Variants in JAK2 observed in about 807,000 individuals in gnomAD.
JAK2 encodes the protein Janus kinase 2, also known as tyrosine-protein kinase JAK2.
JAK2 carries 86 observed loss-of-function variants against 139.3 expected under a neutral mutation model. That is an observed-to-expected ratio of 0.62 (90% CI 0.52 to 0.74). The LOEUF is 0.74. JAK2 is among the 30% of genes least tolerant of loss of function. JAK2 has a pLI of 0.00. For synonymous variants in JAK2, 490 were observed against 437.7 expected, an observed-to-expected ratio of 1.12 and a Z score of -1.49; for missense variants, 1,421 against 1,360.3, an observed-to-expected ratio of 1.04 and a Z score of -0.70.
intron 2 of JAK2, among the ~76,000 whole-genome samples, chr9:5,008,844 C>T (rs1821493464): frequency 6.6e-6 from 1 of 152,132 alleles, no homozygotes; most frequent in Non-Finnish European, 1.5e-5. Context: ...TAGAGCTTCT[C>T]TTTAGAATTG....
intron 23 of JAK2, chr9:5,126,089 G>A (rs185273353): frequency 3.1e-6 from 1 of 327,768 alleles, no homozygotes; most frequent in African/African-American, 2.1e-5. Flanking sequence ...TTTAGTTCAT[G>A]TGTTTTGAGC....
At chr9:5,076,613 G>C (rs12349785) in intron 14 of JAK2, among the ~76,000 whole-genome samples, 35,767 of 152,020 alleles carry the variant, frequency 0.24, 4,587 homozygotes, top group South Asian at 0.3. Flanking sequence ...GGGATACCAA[G>C]AAATTCATGA....
At chr9:4,997,143 T>G (rs1820620428) in intron 2 of JAK2, among the ~76,000 whole-genome samples, 1 of 151,798 alleles carries the variant, frequency 6.6e-6, no homozygotes, top group Non-Finnish European at 1.5e-5. Context: ...TGTCACTCAG[T>G]CTGGTCTTGA....
chr9:5,080,892 C>CTTTTTTTTTTT (rs33925764), intron 18 of JAK2, among the ~76,000 whole-genome samples: 1 of 95,616 alleles, frequency 1.0e-5, no homozygotes, highest in Non-Finnish European at 1.9e-5. Flanking sequence ...AAGACCTTTT[C>CTTTTTTTTTTT]TTTTTTTTTT....
chr9:5,068,967 A>T, intron 10 of JAK2, 55 bp from the exon 11 acceptor site: 1 of 971,532 alleles, frequency 1.0e-6, no homozygotes, highest in Non-Finnish European at 1.5e-6. Flanking sequence ...CAGAATAATC[A>T]CTGTGATGTC....
At chr9:5,078,889 G>A (rs1819487941) in intron 16 of JAK2, among the ~76,000 whole-genome samples, 1 of 152,032 alleles carries the variant, frequency 6.6e-6, no homozygotes, top group South Asian at 2.1e-4. Flanking sequence ...AAAAAACTTT[G>A]ATTTGTGTTT....
intron 14 of JAK2, among the ~76,000 whole-genome samples, chr9:5,075,670 A>C (rs1819262098): frequency 1.3e-5 from 2 of 152,192 alleles, no homozygotes; most frequent in Non-Finnish European, 1.5e-5. Flanking sequence ...GTCACCCAAG[A>C]GCTCTGATGG....
chr9:5,120,933 A>C (rs1031447768), intron 22 of JAK2, among the ~76,000 whole-genome samples: 3 of 152,204 alleles, frequency 2.0e-5, no homozygotes, highest in Non-Finnish European at 4.4e-5. Context: ...TAGATCTTTA[A>C]TGTGGAAATG....
At chr9:4,995,484 C>T (rs1381184839) in intron 2 of JAK2, among the ~76,000 whole-genome samples, 2 of 152,174 alleles carry the variant, frequency 1.3e-5, no homozygotes, top group Admixed American at 6.5e-5. Context: ...AGATGGTTGT[C>T]CAGTTTCAAT....
intron 22 of JAK2, among the ~76,000 whole-genome samples, chr9:5,105,368 G>A (rs1238821523): frequency 6.6e-6 from 1 of 152,032 alleles, no homozygotes; most frequent in African/African-American, 2.4e-5. Flanking sequence ...AGGACCTCTG[G>A]ACCTCTTCAA....
rs587778411 is a variant in JAK2 at position 5,054,669 on chromosome 9, A to C, written c.721A>C (p.Ser241Arg). The C allele has an allele frequency of 6.2e-7, 1 of 1,613,266 alleles. No individual in the cohort carries two copies. The highest frequency in any genetic ancestry group is 1.3e-5 in the African/African-American group (1 of 74,912). Reference sequence around the variant, plus strand: ...ATTTCGCAGATTTATTCAGCAATTCAGCCAATGCAAAGCCACTGCCAGAAA... The same window carrying C: ...ATTTCGCAGATTTATTCAGCAATTCCGCCAATGCAAAGCCACTGCCAGAAA... ...YRFRRFIQQF[S>R]QCKATARNLK... is the part of the protein sequence containing the mutation. Residue 241 changes from serine (S) to arginine (R), a missense_variant, in exon 7 of 25, where the codon AGC (serine) becomes CGC (arginine). Coordinates refer to ENST00000381652, the MANE Select transcript of JAK2 (RefSeq NM_004972.4). The surrounding 1 kb of genome is among the most constrained non-coding windows in gnomAD (Gnocchi z 4.9).
intron 22 of JAK2, among the ~76,000 whole-genome samples, chr9:5,119,240 A>C (rs1247941766): frequency 1.3e-5 from 2 of 152,140 alleles, no homozygotes; most frequent in African/African-American, 4.8e-5. Flanking sequence ...AAGTCACTAA[A>C]TATATTAATA....
intron 2 of JAK2, among the ~76,000 whole-genome samples, chr9:5,016,698 G>T (rs779676573): frequency 1.3e-5 from 2 of 152,040 alleles, no homozygotes; most frequent in Non-Finnish European, 2.9e-5. Flanking sequence ...ATTACTGGCA[G>T]GAGGCACCCC....
In JAK2 at chr9:5,029,797, T is replaced by A. The variant is rs1438069581; in HGVS notation, c.241T>A (p.Tyr81Asn). The change falls in exon 4 of 25, where the codon TAT becomes AAT. Residue 81 changes from tyrosine (Y) to asparagine (N), a missense_variant. Coordinates refer to ENST00000381652, the MANE Select transcript of JAK2 (RefSeq NM_004972.4). The stretch of plus-strand genomic sequence containing the variant: ...TTCTTTTCTAGGTATCACACCTGTG[T>A]ATCATAATATGTTTGCTTTAATGAG... ...ASKACGITPV[Y>N]HNMFALMSET... 3 of 1,610,796 alleles carry A rather than the reference T, an allele frequency of 1.9e-6. No individual in the cohort carries two copies. The highest frequency in any genetic ancestry group is 2.5e-6 in the Non-Finnish European group (3 of 1,177,820).
At chr9:5,094,836 C>T (rs1406701082) in intron 22 of JAK2, 1 of 152,098 alleles carries the variant, frequency 6.6e-6, no homozygotes, top group Non-Finnish European at 1.5e-5. Context: ...GAACTCTGTA[C>T]CATAAATTTC....
Position 5,089,716 on chromosome 9 carries a change from C to T in JAK2, c.2614C>T (p.Gln872Ter), listed in dbSNP as rs1185527879. The change falls in exon 20 of 25, where the codon CAG becomes TAG. Residue 872 changes from glutamine (Q) to a stop codon, truncating the protein, a stop_gained. Transcript: ENST00000381652. LOFTEE classifies it high-confidence loss of function. ...SVEMCRYDPL[Q>*]DNTGEVVAVK... Reference sequence around the variant, plus strand: ...GGAGATGTGCCGGTATGACCCTCTACAGGACAACACTGGGGAGGTGGTCGC... The same window carrying T: ...GGAGATGTGCCGGTATGACCCTCTATAGGACAACACTGGGGAGGTGGTCGC... 6.5e-7 allele frequency: 1 copy of T among 1,548,650 alleles called. No homozygotes were observed. The highest frequency in any genetic ancestry group is 1.2e-5 in the South Asian group (1 of 80,608).
intron 14 of JAK2, among the ~76,000 whole-genome samples, chr9:5,075,391 C>T (rs1166126330): frequency 3.3e-5 from 5 of 152,268 alleles, no homozygotes; most frequent in Non-Finnish European, 5.9e-5. Context: ...TTCAAAGCTT[C>T]GAAGGACAGG....
intron 5 of JAK2, among the ~76,000 whole-genome samples, chr9:5,047,699 C>T (rs1211139751): frequency 3.3e-5 from 5 of 152,120 alleles, no homozygotes; most frequent in African/African-American, 1.2e-4. Context: ...CAGTGATTGT[C>T]TTGCTTCAGC....
intron 22 of JAK2, among the ~76,000 whole-genome samples, chr9:5,103,485 C>G (rs1330300222): frequency 6.6e-6 from 1 of 152,012 alleles, no homozygotes; most frequent in Non-Finnish European, 1.5e-5. Context: ...GACTTTAACA[C>G]CTCTCTGTCA....
Sources: gnomAD v4.1 joint callset for allele counts (sites outside exome capture counted in the v4.1 genomes callset) on GRCh38, gnomAD v4.1.1 for gene constraint, Gnocchi (gnomAD v3.1) non-coding constraint, MANE v1.5 for transcripts, NCBI Gene and HGNC (gene_info 2026-07-23, HGNC 2026-07-21) for gene names.